Variants in GRAMD1C observed in about 807,000 individuals in gnomAD.
GRAMD1C encodes protein Aster-C.
In GRAMD1C, 89 loss-of-function variants were observed where a neutral mutation model predicts 97.8. The observed-to-expected ratio is 0.91, with a 90% CI of 0.77 to 1.09. The LOEUF is 1.09. GRAMD1C is among the 50% of genes least tolerant of loss of function. GRAMD1C has a pLI of 0.00. For synonymous variants in GRAMD1C, 256 were observed against 267.0 expected, an observed-to-expected ratio of 0.96 and a Z score of 0.40; for missense variants, 740 against 766.4, an observed-to-expected ratio of 0.97 and a Z score of 0.41.
chr3:113,924,913 G>A (rs571234766), intron 10 of GRAMD1C, among the ~76,000 whole-genome samples: 2 of 152,302 alleles, frequency 1.3e-5, no homozygotes, highest in South Asian at 4.1e-4. Context: ...GAGTCTCTTT[G>A]TAGGTCTCTA....
chr3:113,843,521 C>A (rs552368044), intron 1 of GRAMD1C, among the ~76,000 whole-genome samples: 4 of 152,066 alleles, frequency 2.6e-5, no homozygotes, highest in African/African-American at 7.2e-5. Flanking sequence ...GCTCTGTCAC[C>A]CAGGCTGGCA....
At position 113,933,598 on chromosome 3, in the gene GRAMD1C, T is replaced by A. The variant is rs1192635745; in HGVS notation, c.1297T>A (p.Tyr433Asn). The A allele has an allele frequency of 1.6e-5, 25 of 1,605,492 alleles. No homozygotes were observed. The highest frequency in any genetic ancestry group is 2.1e-5 in the Non-Finnish European group (25 of 1,172,254). Residue 433 changes from tyrosine to asparagine, a missense_variant, in exon 12 of 18, where the codon TAT becomes AAT. Tyr to Asn is a moderately radical substitution (Grantham distance 143). Transcript: ENST00000358160. ...TGATGTCCCCTACCATGATTACTTC[T>A]ATACCGTGAACAGATACTGTATCAT... ...THDVPYHDYF[Y>N]TVNRYCIIRS... is the part of the protein sequence containing the mutation.
At chr3:113,856,570 T>C (rs4505668) in intron 2 of GRAMD1C, among the ~76,000 whole-genome samples, 68,622 of 152,114 alleles carry the variant, frequency 0.45, 15,689 homozygotes, top group Admixed American at 0.47. Flanking sequence ...GACAGAGTCC[T>C]GCTCTGTCGC....
At chr3:113,897,620 AT>A (rs1935993565) in intron 6 of GRAMD1C, 9 of 983,852 alleles carry the variant, frequency 9.1e-6, no homozygotes, top group African/African-American at 1.7e-5. Flanking sequence ...AGCAGTGATT[AT>A]TTTTACATAG....
intron 10 of GRAMD1C, among the ~76,000 whole-genome samples, chr3:113,924,300 C>A (rs1051002032): frequency 2.0e-5 from 3 of 151,806 alleles, no homozygotes; most frequent in Non-Finnish European, 2.9e-5. Flanking sequence ...TTGGTTATTT[C>A]TTGTCTTCTG....
intron 2 of GRAMD1C, among the ~76,000 whole-genome samples, chr3:113,856,078 G>A (rs1438790642): frequency 6.6e-6 from 1 of 151,918 alleles, no homozygotes; most frequent in Non-Finnish European, 1.5e-5. Flanking sequence ...AGTAGAGTTG[G>A]GGTTTCAACA....
intron 1 of GRAMD1C, among the ~76,000 whole-genome samples, chr3:113,841,280 TC>T (rs1233813763): frequency 3.4e-5 from 2 of 59,196 alleles, no homozygotes; most frequent in African/African-American, 1.1e-4. Flanking sequence ...CTTCTTTCTT[TC>T]TTTCTTTTTT....
chr3:113,890,499 C>G (rs1188374332), intron 6 of GRAMD1C: 2 of 478,336 alleles, frequency 4.2e-6, no homozygotes, highest in Admixed American at 7.8e-5. Flanking sequence ...GGCAAGGAAG[C>G]CTCCTTCACC....
At chr3:113,850,223 A>G (rs1291755000) in intron 2 of GRAMD1C, 2 of 551,962 alleles carry the variant, frequency 3.6e-6, no homozygotes, top group Non-Finnish European at 6.9e-6. Context: ...GCAAAATAAT[A>G]ATACTCTCCA....
intron 11 of GRAMD1C, 115 bp from the exon 12 acceptor site, chr3:113,933,396 T>C (rs1389375577): frequency 1.0e-5 from 7 of 699,774 alleles, no homozygotes; most frequent in Non-Finnish European, 1.7e-5. Context: ...GTATATAGGT[T>C]TCTCATGTTT....
chr3:113,832,007 G>A (rs113005571), intron 1 of GRAMD1C, among the ~76,000 whole-genome samples: 1,554 of 150,798 alleles, frequency 0.01, 29 homozygotes, highest in African/African-American at 0.035. Context: ...GTTGAAAACT[G>A]GACATTTTGA....
At chr3:113,941,318 A>C (rs1018889174) in intron 17 of GRAMD1C, among the ~76,000 whole-genome samples, 1 of 152,168 alleles carries the variant, frequency 6.6e-6, no homozygotes, top group African/African-American at 2.4e-5. Flanking sequence ...TTTAATCTGG[A>C]AACTCATGCC....
At chr3:113,924,398 A>G (rs1486691180) in intron 10 of GRAMD1C, among the ~76,000 whole-genome samples, 1 of 151,994 alleles carries the variant, frequency 6.6e-6, no homozygotes, top group African/African-American at 2.4e-5. Context: ...TAACTGTTTC[A>G]TGTGGGTGTT....
At chr3:113,858,680 C>T (rs1934251128) in intron 2 of GRAMD1C, among the ~76,000 whole-genome samples, 1 of 152,142 alleles carries the variant, frequency 6.6e-6, no homozygotes, top group Admixed American at 6.5e-5. Context: ...AGGCGTGAGC[C>T]ACTGCACCTG....
chr3:113,936,218 G>C (rs1937574632), intron 13 of GRAMD1C, 48 bp from the exon 14 acceptor site: 3 of 1,093,582 alleles, frequency 2.7e-6, no homozygotes, highest in Non-Finnish European at 4.0e-6. Flanking sequence ...GTATCTTATA[G>C]TTGAGGAGCT....
intron 2 of GRAMD1C, among the ~76,000 whole-genome samples, chr3:113,851,718 A>C (rs1933913453): frequency 6.6e-6 from 1 of 151,844 alleles, no homozygotes; most frequent in Admixed American, 6.6e-5. Context: ...GGGTTTCACC[A>C]TGTGAGCCAG....
At chr3:113,887,541 A>G (rs1342366718) in intron 6 of GRAMD1C, among the ~76,000 whole-genome samples, 1 of 151,890 alleles carries the variant, frequency 6.6e-6, no homozygotes, top group Non-Finnish European at 1.5e-5. Context: ...TCTACTAAAA[A>G]TACAAAAAAT....
At chr3:113,891,639 T>C (rs1371257230) in intron 6 of GRAMD1C, among the ~76,000 whole-genome samples, 1 of 151,800 alleles carries the variant, frequency 6.6e-6, no homozygotes, top group Non-Finnish European at 1.5e-5. Context: ...CCAGCACTTC[T>C]GGAGGCTGAG....
chr3:113,934,026 T>C (rs1937530659), intron 12 of GRAMD1C, among the ~76,000 whole-genome samples: 1 of 152,176 alleles, frequency 6.6e-6, no homozygotes, highest in Non-Finnish European at 1.5e-5. Flanking sequence ...AAATGAGAAA[T>C]GTTGGTGCAT....
Sources: gnomAD v4.1 joint callset for allele counts (sites outside exome capture counted in the v4.1 genomes callset) on GRCh38, gnomAD v4.1.1 for gene constraint, MANE v1.5 for transcripts, NCBI Gene and HGNC (gene_info 2026-07-23, HGNC 2026-07-21) for gene names.